CELSR1: variants seen among roughly 807,000 people sequenced by gnomAD.
CELSR1 encodes adhesion G protein-coupled receptor C1.
A neutral mutation model predicts 249.1 loss-of-function variants in CELSR1; 110 were observed. The ratio of observed to expected loss-of-function variants is 0.44; its 90% CI spans 0.38 to 0.52. The LOEUF is 0.52. CELSR1 is among the 20% of genes least tolerant of loss of function. The probability of loss-of-function intolerance (pLI) is 0.00; values close to 1 mark genes in which losing one functional copy is unlikely to be tolerated. For synonymous variants in CELSR1, 2,113 were observed against 1,900.0 expected (o/e 1.11, Z -2.92); for missense variants, 4,109 against 4,296.4 (o/e 0.96, Z 1.22).
chr22:46,532,683 C>A (rs1024912680), intron 1 of CELSR1, among the ~76,000 whole-genome samples: 31 of 152,202 alleles, frequency 2.0e-4, no homozygotes, highest in African/African-American at 7.5e-4. Context: ...AATAAGGTCA[C>A]CTGCCTGCAC....
chr22:46,477,010 G>C (rs2080215584), intron 1 of CELSR1, among the ~76,000 whole-genome samples: 1 of 152,152 alleles, frequency 6.6e-6, no homozygotes, highest in Non-Finnish European at 1.5e-5. Context: ...GCGTGACATT[G>C]TACAAAAGGA....
chr22:46,460,196 CACA>C (rs1569179788), intron 2 of CELSR1, among the ~76,000 whole-genome samples: 6 of 110,882 alleles, frequency 5.4e-5, no homozygotes, highest in Non-Finnish European at 7.6e-5. Context: ...CACACACACA[CACA>C]CACACACACA....
At chr22:46,482,559 G>A (rs2080276461) in intron 1 of CELSR1, among the ~76,000 whole-genome samples, 1 of 152,114 alleles carries the variant, frequency 6.6e-6, no homozygotes, top group South Asian at 2.1e-4. Flanking sequence ...GGTCACAGAG[G>A]AAGTGGGTGG....
At chr22:46,496,397 G>A (rs1379917506) in intron 1 of CELSR1, among the ~76,000 whole-genome samples, 11 of 151,952 alleles carry the variant, frequency 7.2e-5, no homozygotes, top group Admixed American at 7.2e-4. Context: ...GTGAAACCCT[G>A]TCTCTACTAA....
Position 46,448,611 on chromosome 22 carries a change from C to A in CELSR1, c.4184-9200G>T. 2.4e-6 allele frequency: 1 copy of A among 425,024 alleles called. No individual in the cohort carries two copies. The allele number at this position is 425,024 out of a possible 1,614,324, so 26.3% of individuals were successfully genotyped here. A position where few individuals can be genotyped will look rare whatever the true frequency, so the allele number is the denominator to read the frequency against. On this transcript the variant is annotated intron_variant, in intron 2 of 34. Transcript: ENST00000674500. The surrounding 1 kb of genome is among the most constrained non-coding windows in gnomAD (Gnocchi z 5.7). The stretch of plus-strand genomic sequence containing the variant: ...GAAAAACTAGAATTTCCAAAGGCCA[C>A]AATGGTAAAACTCAAGCACTTGATG...
intron 2 of CELSR1, among the ~76,000 whole-genome samples, chr22:46,451,627 C>T (rs1246277005): frequency 1.3e-5 from 2 of 152,116 alleles, no homozygotes; most frequent in African/African-American, 4.8e-5. Flanking sequence ...CCCTCGGGGA[C>T]ACAGCCTTTC....
At position 46,512,155 on chromosome 22, in the gene CELSR1, G is replaced by A. The variant is rs562290103; in HGVS notation, c.3544+21472C>T. On this transcript the variant is annotated intron_variant, in intron 1 of 34. Coordinates refer to ENST00000674500, the MANE Select transcript of CELSR1 (RefSeq NM_001378328.1). This position sits in a 1 kb window ranked among gnomAD's most constrained non-coding sequence, Gnocchi z 5.2. Reference sequence around the variant, plus strand: ...ACACAGCAGCAGCAAGAGTGACGGCGGCGCTCATAAGCCCTTACTAAGCGT... The same window carrying A: ...ACACAGCAGCAGCAAGAGTGACGGCAGCGCTCATAAGCCCTTACTAAGCGT... 4.5e-4 allele frequency among the ~76,000 whole-genome samples: 68 copies of A among 152,302 alleles called. No homozygotes were observed. Among genetic ancestry groups the A allele is most frequent in the African/African-American group, 1.5e-3 (63 of 41,570 alleles).
At position 46,526,904 on chromosome 22, in the gene CELSR1, G is replaced by A. The variant is rs979193046; in HGVS notation, c.3544+6723C>T. Among the ~76,000 whole-genome samples, 8 of 152,186 alleles carry A rather than the reference G, an allele frequency of 5.3e-5. No individual in the cohort carries two copies. Among genetic ancestry groups the A allele is most frequent in the African/African-American group, 9.7e-5 (4 of 41,442 alleles). Reference sequence around the variant, plus strand: ...CACACGGGGCCAAAAATGGCCTCACGTCTTCTCACCAAAGCCGATTCCCGG... The same window carrying A: ...CACACGGGGCCAAAAATGGCCTCACATCTTCTCACCAAAGCCGATTCCCGG... On this transcript the variant is annotated intron_variant, in intron 1 of 34. Transcript: ENST00000674500. This position sits in a 1 kb window ranked among gnomAD's most constrained non-coding sequence, Gnocchi z 4.7.
intron 13 of CELSR1, among the ~76,000 whole-genome samples, 183 bp from the exon 14 acceptor site, chr22:46,394,445 C>T (rs2079127385): frequency 6.6e-6 from 1 of 152,170 alleles, no homozygotes; most frequent in African/African-American, 2.4e-5. Context: ...ACCTCACCCC[C>T]CACCCACAGA....
chr22:46,492,007 C>A (rs533939764), intron 1 of CELSR1, among the ~76,000 whole-genome samples: 1 of 152,212 alleles, frequency 6.6e-6, no homozygotes, highest in African/African-American at 2.4e-5. Flanking sequence ...GTTTCACCAG[C>A]ACCTCGCAAG....
intron 26 of CELSR1, 142 bp from the exon 27 acceptor site, chr22:46,369,400 A>T: frequency 1.4e-6 from 1 of 704,224 alleles, no homozygotes; most frequent in Non-Finnish European, 2.4e-6. Context: ...GGGGCGAAGC[A>T]CACCTGTCCA....
At position 46,454,247 on chromosome 22, in the gene CELSR1, G is replaced by A. The variant is rs535047623; in HGVS notation, c.4183+9460C>T. Among the ~76,000 whole-genome samples the A allele has an allele frequency of 7.2e-5, 11 of 152,322 alleles. No homozygotes were observed. Among genetic ancestry groups the A allele is most frequent in the Non-Finnish European group, 1.0e-4 (7 of 68,014 alleles). ...GGCCTCCCGGAGCAGCCCCGCCCAC[G>A]CCCCTGAATGCAGGGCTCCTGCCCT... On this transcript the variant is annotated intron_variant, in intron 2 of 34. Coordinates refer to ENST00000674500, the MANE Select transcript of CELSR1 (RefSeq NM_001378328.1). The surrounding 1 kb of genome is among the most constrained non-coding windows in gnomAD (Gnocchi z 5.1).
At position 46,471,050 on chromosome 22, in the gene CELSR1, G is replaced by A. The variant is rs1212093797; in HGVS notation, c.3545-6705C>T. Among the ~76,000 whole-genome samples the A allele has an allele frequency of 6.6e-6, 1 of 152,006 alleles. No individual in the cohort carries two copies. Among genetic ancestry groups the A allele is most frequent in the African/African-American group, 2.4e-5 (1 of 41,380 alleles). On this transcript the variant is annotated intron_variant, in intron 1 of 34. Coordinates refer to ENST00000674500, the MANE Select transcript of CELSR1 (RefSeq NM_001378328.1). The surrounding 1 kb of genome is among the most constrained non-coding windows in gnomAD (Gnocchi z 4.9). ...TGAGGCAGGAGAATCGCTTGAACCT[G>A]GGAGTCGGAGGTTGCAGTGAGCCAA...
chr22:46,476,815 T>C (rs953819832), intron 1 of CELSR1, among the ~76,000 whole-genome samples: 1 of 151,280 alleles, frequency 6.6e-6, no homozygotes, highest in Non-Finnish European at 1.5e-5. Flanking sequence ...GTATGGGGCT[T>C]TCTCAGGTGA....
At position 46,363,202 on chromosome 22, in the gene CELSR1, T is replaced by C; in HGVS notation, c.*21A>G. ...CTCACGGTTTCCTGATGGTTCAAAT[T>C]GAAGTTTCATTACTGATGGTTCAAA... On this transcript the variant is annotated 3_prime_UTR_variant, in exon 35 of 35. Coordinates refer to ENST00000674500, the MANE Select transcript of CELSR1 (RefSeq NM_001378328.1). This position sits in a 1 kb window ranked among gnomAD's most constrained non-coding sequence, Gnocchi z 4.3. 2 of 1,579,044 alleles carry C rather than the reference T, an allele frequency of 1.3e-6. No homozygotes were observed. Among genetic ancestry groups the C allele is most frequent in the South Asian group, 1.1e-5 (1 of 90,988 alleles).
At chr22:46,386,633 C>T (rs1421953491) in intron 18 of CELSR1, 48 bp from the exon 19 acceptor site, 12 of 1,471,102 alleles carry the variant, frequency 8.2e-6, no homozygotes, top group African/African-American at 1.4e-5. Flanking sequence ...AGGCCTGGCT[C>T]GTGGGACGGA....
At chr22:46,469,713 C>T (rs376784521) in intron 1 of CELSR1, among the ~76,000 whole-genome samples, 1 of 151,410 alleles carries the variant, frequency 6.6e-6, no homozygotes, top group Non-Finnish European at 1.5e-5. Flanking sequence ...GAGGTTTCAC[C>T]ACGTAGGCCA....
chr22:46,479,862 C>T lies in CELSR1; in HGVS notation c.3545-15517G>A, dbSNP rs560397289. 5.3e-5 allele frequency among the ~76,000 whole-genome samples: 8 copies of T among 151,952 alleles called. No homozygotes were observed. In the South Asian group the frequency reaches 1.0e-3, roughly 20 times the overall value. On this transcript the variant is annotated intron_variant, in intron 1 of 34. Transcript: ENST00000674500. ...TTGGTAACGGGGGCTGCCTCTCCTT[C>T]ACTCTCAGGGAGTCAGCTCATCCTA...
intron 19 of CELSR1, 43 bp downstream of exon 19, chr22:46,386,359 T>C (rs2079033371): frequency 1.3e-6 from 2 of 1,482,616 alleles, no homozygotes; most frequent in Non-Finnish European, 1.8e-6. Flanking sequence ...GGCACACCCC[T>C]GATGGTAGCA....
Sources: gnomAD v4.1 joint callset for allele counts (sites outside exome capture counted in the v4.1 genomes callset) on GRCh38, gnomAD v4.1.1 for gene constraint, Gnocchi (gnomAD v3.1) non-coding constraint, MANE v1.5 for transcripts, NCBI Gene and HGNC (gene_info 2026-07-23, HGNC 2026-07-21) for gene names.